The following TTYH2 variants were observed in gnomAD, a reference collection of about 807,000 sequenced individuals.
The protein encoded by TTYH2 is tweety family member 2.
TTYH2 carries 49 observed loss-of-function variants against 68.3 expected under a neutral mutation model. The observed-to-expected ratio is 0.72, with a 90% CI of 0.57 to 0.91. TTYH2 has a LOEUF of 0.91. TTYH2 is among the 40% of genes least tolerant of loss of function. The probability of loss-of-function intolerance (pLI) is 0.00; values close to 1 mark genes in which losing one functional copy is unlikely to be tolerated. For missense variants in TTYH2, 631 were observed against 700.4 expected (o/e 0.90, Z 1.12); for synonymous variants, 272 against 300.8 (o/e 0.90, Z 0.99).
intron 3 of TTYH2, among the ~76,000 whole-genome samples, chr17:74,235,117 A>C (rs1424662727): frequency 6.6e-6 from 1 of 152,204 alleles, no homozygotes; most frequent in African/African-American, 2.4e-5. Context: ...CACTGAAAAA[A>C]TAAAACAAAA....
intron 9 of TTYH2, 66 bp from the exon 10 acceptor site, chr17:74,250,199 T>C: frequency 1.3e-6 from 2 of 1,520,840 alleles, no homozygotes; most frequent in Non-Finnish European, 1.8e-6. Flanking sequence ...ACAGCTGCTG[T>C]GGTGGTTTTC....
rs995475200 is a variant in TTYH2 at position 74,232,935 on chromosome 17, A to G, written c.414+1936A>G. 6.6e-6 allele frequency among the ~76,000 whole-genome samples: 1 copy of G among 152,086 alleles called. No homozygotes were observed. The highest frequency in any genetic ancestry group is 2.4e-5 in the African/African-American group (1 of 41,422). On this transcript the variant is annotated intron_variant, in intron 3 of 13. Transcript: ENST00000269346. The surrounding 1 kb of genome is among the most constrained non-coding windows in gnomAD (Gnocchi z 5.1). ...TGGTGCTCCAGGGCCAGGTTTGGAC[A>G]TTTCACAGCAGGTTCCACTCTCTGA... is the stretch of plus-strand genomic sequence containing the variant.
chr17:74,234,010 T>A (rs923845197), intron 3 of TTYH2, among the ~76,000 whole-genome samples: 4 of 152,178 alleles, frequency 2.6e-5, no homozygotes, highest in African/African-American at 7.2e-5. Context: ...TTACCTCCAC[T>A]GACCTGGCCC....
chr17:74,229,254 C>A (rs560736970), intron 2 of TTYH2, among the ~76,000 whole-genome samples: 1 of 152,118 alleles, frequency 6.6e-6, no homozygotes, highest in Admixed American at 6.5e-5. Context: ...TAGACCTCAG[C>A]GATTCCCAGG....
chr17:74,249,100 C>T lies in TTYH2; in HGVS notation c.874+20C>T, dbSNP rs777861176. On this transcript the variant is annotated intron_variant, in intron 7 of 13. Coordinates refer to ENST00000269346, the MANE Select transcript of TTYH2 (RefSeq NM_032646.6). ...GCACAGGTAACTACACACTCTCAGG[C>T]TGCTGCTGTGGATGCATAGGTGGCC... is the stretch of plus-strand genomic sequence containing the variant. 1 of 1,614,054 alleles carries T rather than the reference C, an allele frequency of 6.2e-7. No individual in the cohort carries two copies. The highest frequency in any genetic ancestry group is 8.5e-7 in the Non-Finnish European group (1 of 1,179,988).
At chr17:74,234,445 T>C (rs2050422055) in intron 3 of TTYH2, among the ~76,000 whole-genome samples, 1 of 152,232 alleles carries the variant, frequency 6.6e-6, no homozygotes, top group Non-Finnish European at 1.5e-5. Flanking sequence ...TTGGGGATGG[T>C]ATAGAGAAGT....
intron 9 of TTYH2, 83 bp from the exon 10 acceptor site, chr17:74,250,182 C>G (rs918684661): frequency 2.0e-6 from 3 of 1,491,158 alleles, no homozygotes; most frequent in African/African-American, 1.4e-5. Flanking sequence ...TCTAGAGGCC[C>G]CTGAGCACAG....
intron 1 of TTYH2, among the ~76,000 whole-genome samples, chr17:74,220,722 G>A (rs1269451071): frequency 1.3e-5 from 2 of 152,090 alleles, no homozygotes; most frequent in African/African-American, 2.4e-5. Flanking sequence ...CCAGCCCCCT[G>A]CCACACTGTG....
rs2050218532 is a variant in TTYH2, at chr17:74,215,973, C to G, written c.129+2257C>G. ...AAGCAGTTTGAGGTGGGGCTCTGCC[C>G]TCCAGTTGGCTGGGGTGGATTCCCA... On this transcript the variant is annotated intron_variant, in intron 1 of 13. Transcript: ENST00000269346. This position sits in a 1 kb window ranked among gnomAD's most constrained non-coding sequence, Gnocchi z 4.3. Among the ~76,000 whole-genome samples the G allele has an allele frequency of 6.6e-6, 1 of 152,244 alleles. No individual in the cohort carries two copies. Among genetic ancestry groups the G allele is most frequent in the African/African-American group, 2.4e-5 (1 of 41,478 alleles).
chr17:74,223,301 G>A (rs1462171664), intron 2 of TTYH2, among the ~76,000 whole-genome samples: 2 of 144,788 alleles, frequency 1.4e-5, no homozygotes, highest in East Asian at 4.2e-4. Context: ...GCGGGGGGTG[G>A]GCGGGGAAGA....
rs186371700 is a variant in TTYH2 at position 74,261,298 on chromosome 17, A to T, written c.*1089A>T. On this transcript the variant is annotated 3_prime_UTR_variant, in exon 14 of 14. Transcript: ENST00000269346. ...GGGAGGATCTTTAAGAGGAGAAAAA[A>T]GCCAAGAGGGAAAGCCAGAGTTCCC... 2.0e-5 allele frequency: 3 copies of T among 152,194 alleles called. No homozygotes were observed. Among genetic ancestry groups the T allele is most frequent in the African/African-American group, 7.2e-5 (3 of 41,430 alleles). 9.4% of individuals were successfully genotyped at this position (152,194 alleles called of 1,614,324 possible).
chr17:74,231,577 T>C (rs1297656910), intron 3 of TTYH2, among the ~76,000 whole-genome samples: 1 of 151,670 alleles, frequency 6.6e-6, no homozygotes, highest in Non-Finnish European at 1.5e-5. Context: ...CTTGGGAGGC[T>C]GAGGCAGGGA....
rs775388866 is a variant in TTYH2, at chr17:74,222,630, C to T, written c.275C>T (p.Thr92Met). 3.7e-5 allele frequency: 59 copies of T among 1,610,630 alleles called. No homozygotes were observed. Among genetic ancestry groups the T allele is most frequent in the Middle Eastern group, 1.7e-4 (1 of 6,048 alleles). ...CACCACTCCTGCTGCATCACCTGGA[C>T]GGCCGTGGTGGCCGGGCTCATCTGC... ...KQHHSCCITW[T>M]AVVAGLICCA... Residue 92 changes from threonine (T) to methionine (M), a missense_variant, in exon 2 of 14, where the codon ACG (threonine) becomes ATG (methionine). Coordinates refer to ENST00000269346, the MANE Select transcript of TTYH2 (RefSeq NM_032646.6). This position sits in a 1 kb window ranked among gnomAD's most constrained non-coding sequence, Gnocchi z 5.2.
At chr17:74,253,413 C>G in intron 12 of TTYH2, 147 bp downstream of exon 12, 1 of 942,326 alleles carries the variant, frequency 1.1e-6, no homozygotes, top group Non-Finnish European at 1.5e-6. Context: ...GGAAGGCCCC[C>G]GGGGAGCATC....
intron 4 of TTYH2, among the ~76,000 whole-genome samples, chr17:74,237,831 A>G (rs73356639): frequency 0.25 from 37,595 of 151,906 alleles, 5,047 homozygotes; most frequent in African/African-American, 0.33. Flanking sequence ...GAGTTTCACC[A>G]TGTTGGCCAG....
At chr17:74,235,124 A>C (rs570678756) in intron 3 of TTYH2, among the ~76,000 whole-genome samples, 2 of 152,336 alleles carry the variant, frequency 1.3e-5, no homozygotes, top group Admixed American at 1.3e-4. Flanking sequence ...AAAATAAAAC[A>C]AAATGAAACA....
At chr17:74,249,427 C>T (rs200441222) in intron 8 of TTYH2, 28 bp downstream of exon 8, 1 of 1,612,118 alleles carries the variant, frequency 6.2e-7, no homozygotes, top group South Asian at 1.1e-5. Flanking sequence ...CTGCCCTCAC[C>T]CTGCCCACAG....
intron 1 of TTYH2, among the ~76,000 whole-genome samples, chr17:74,218,079 A>G (rs944961177): frequency 3.3e-5 from 5 of 151,146 alleles, no homozygotes; most frequent in African/African-American, 9.7e-5. Flanking sequence ...CTCCATGCAC[A>G]TGGGGACATG....
At chr17:74,249,559 G>A (rs975820210) in intron 8 of TTYH2, among the ~76,000 whole-genome samples, 160 bp downstream of exon 8, 4 of 152,174 alleles carry the variant, frequency 2.6e-5, no homozygotes, top group Non-Finnish European at 4.4e-5. Flanking sequence ...TTTTGGTCGT[G>A]GGTTCTAGAT....
Sources: gnomAD v4.1 joint callset for allele counts (sites outside exome capture counted in the v4.1 genomes callset) on GRCh38, gnomAD v4.1.1 for gene constraint, Gnocchi (gnomAD v3.1) non-coding constraint, MANE v1.5 for transcripts, NCBI Gene and HGNC (gene_info 2026-07-23, HGNC 2026-07-21) for gene names.